The following PHYHD1 variants were observed in gnomAD, a reference collection of about 807,000 sequenced individuals.
PHYHD1 encodes phytanoyl-CoA dioxygenase domain containing 1, also known as phytanoyl-CoA dioxygenase domain-containing protein 1.
A neutral mutation model predicts 43.6 loss-of-function variants in PHYHD1; 42 were observed. The ratio of observed to expected loss-of-function variants is 0.96; its 90% CI spans 0.75 to 1.25. The LOEUF is 1.25. Ranked by LOEUF, PHYHD1 falls within the 50% of genes most tolerant of loss-of-function variation. The probability of loss-of-function intolerance (pLI) is 0.00; values close to 1 mark genes in which losing one functional copy is unlikely to be tolerated. For missense variants in PHYHD1, 342 were observed against 370.8 expected, an observed-to-expected ratio of 0.92 and a Z score of 0.64; for synonymous variants, 139 against 143.6, an observed-to-expected ratio of 0.97 and a Z score of 0.23.
At chr9:128,924,780 C>CA (rs1174744771) in intron 3 of PHYHD1, among the ~76,000 whole-genome samples, 1 of 149,742 alleles carries the variant, frequency 6.7e-6, no homozygotes, top group Non-Finnish European at 1.5e-5. Flanking sequence ...ACTAAAAATA[C>CA]AAAAATTAGC....
intron 8 of PHYHD1, 100 bp downstream of exon 8, chr9:128,936,745 T>G (rs2131114374): frequency 2.3e-6 from 3 of 1,298,198 alleles, no homozygotes; most frequent in Non-Finnish European, 3.2e-6. Flanking sequence ...CTGGAATTAT[T>G]ATGTTGGTGG....
chr9:128,923,798 A>G (rs2131093764), intron 3 of PHYHD1, among the ~76,000 whole-genome samples: 1 of 152,280 alleles, frequency 6.6e-6, no homozygotes, highest in South Asian at 2.1e-4. Context: ...CAGCTTGGGC[A>G]ATATAGCAAG....
chr9:128,934,116 G>A, intron 6 of PHYHD1, 58 bp downstream of exon 6: 1 of 1,548,162 alleles, frequency 6.5e-7, no homozygotes. Context: ...GGGAGTGGTG[G>A]CTTACACTTG....
At chr9:128,924,842 GGA>G (rs1469123295) in intron 3 of PHYHD1, among the ~76,000 whole-genome samples, 1 of 152,166 alleles carries the variant, frequency 6.6e-6, no homozygotes, top group Non-Finnish European at 1.5e-5. Flanking sequence ...GGCTGAGGCA[GGA>G]GAATCACTTA....
chr9:128,939,266 C>T (rs1173494264), intron 9 of PHYHD1, among the ~76,000 whole-genome samples: 2 of 126,060 alleles, frequency 1.6e-5, no homozygotes, highest in African/African-American at 5.6e-5. Flanking sequence ...GCCCCAGCAT[C>T]GTGTGGGGAG....
intron 11 of PHYHD1, among the ~76,000 whole-genome samples, chr9:128,941,041 G>A (rs1207928419): frequency 6.6e-6 from 1 of 152,206 alleles, no homozygotes; most frequent in African/African-American, 2.4e-5. Flanking sequence ...TCTGCCTAGT[G>A]CATAGCCACT....
At chr9:128,933,449 C>CT (rs1376601280) in intron 4 of PHYHD1, among the ~76,000 whole-genome samples, 1 of 151,958 alleles carries the variant, frequency 6.6e-6, no homozygotes, top group African/African-American at 2.4e-5. Flanking sequence ...ATTATTATTC[C>CT]TTTTTTTACA....
At chr9:128,931,566 C>T (rs1841277342) in intron 4 of PHYHD1, among the ~76,000 whole-genome samples, 1 of 150,716 alleles carries the variant, frequency 6.6e-6, no homozygotes, top group South Asian at 2.1e-4. Flanking sequence ...GCTCTGTCAC[C>T]CAAGCTGGAG....
chr9:128,936,556 G>C, intron 7 of PHYHD1, 27 bp from the exon 8 acceptor site: 1 of 1,606,582 alleles, frequency 6.2e-7, no homozygotes, highest in African/African-American at 1.3e-5. Context: ...GTGGCAGGCT[G>C]GCAGCATGAC....
At chr9:128,937,954 C>A (rs1588256050) in intron 9 of PHYHD1, 176 bp downstream of exon 9, 1 of 1,488,784 alleles carries the variant, frequency 6.7e-7, no homozygotes, top group South Asian at 1.3e-5. Flanking sequence ...GGTAGGGAAA[C>A]CTTGCGTCCT....
rs777807148 is a variant in PHYHD1, at chr9:128,934,006, C to T, written c.269-5C>T. ...CTCTGCCTTTATCTGTTCTTTGTGC[C>T]ACAGGAAATTTCCTGGTCCCTCCGG... is the stretch of plus-strand genomic sequence containing the variant. On this transcript the variant is annotated splice_polypyrimidine_tract_variant and splice_region_variant and intron_variant, in intron 5 of 12. Coordinates refer to ENST00000372592, the MANE Select transcript of PHYHD1 (RefSeq NM_001100876.2). 1 of 1,613,858 alleles carries T rather than the reference C, an allele frequency of 6.2e-7. No homozygotes were observed. Among genetic ancestry groups the T allele is most frequent in the Non-Finnish European group, 8.5e-7 (1 of 1,179,910 alleles).
chr9:128,930,936 G>A (rs1307508801), intron 4 of PHYHD1, among the ~76,000 whole-genome samples: 17 of 146,244 alleles, frequency 1.2e-4, no homozygotes, highest in African/African-American at 2.5e-4. Flanking sequence ...GCGACAGAGC[G>A]AGACTCTGTC....
chr9:128,921,342 AG>A lies in PHYHD1; in HGVS notation c.-484del, dbSNP rs1302548021. The A allele has an allele frequency of 6.6e-6, 1 of 151,770 alleles. No individual in the cohort carries two copies. Among genetic ancestry groups the A allele is most frequent in the Non-Finnish European group, 1.5e-5 (1 of 68,002 alleles). The allele number at this position is 151,770 out of a possible 1,614,324, so 9.4% of individuals were successfully genotyped here. A position where few individuals can be genotyped will look rare whatever the true frequency, so the allele number is the denominator to read the frequency against. ...GAGACCGAGTCTCGCTCTGTCGCCC[AG>A]GCTCTAGTGCAGTGGCCCAATCTCG... On this transcript the variant is annotated 5_prime_UTR_variant, in exon 1 of 13. An upstream open reading frame in the 5' UTR gains an earlier in-frame stop. Coordinates refer to ENST00000372592, the MANE Select transcript of PHYHD1 (RefSeq NM_001100876.2).
chr9:128,922,798 A>G lies in PHYHD1; in HGVS notation c.33+442A>G, dbSNP rs146044798. Among the ~76,000 whole-genome samples the G allele has an allele frequency of 2.1e-3, 313 of 152,314 alleles. 2 individuals carry two copies. Among genetic ancestry groups the G allele is most frequent in the Non-Finnish European group, 3.5e-3 (238 of 68,020 alleles). Reference sequence around the variant, plus strand: ...ATACATTCCTACGCTGAGACTTAATATTTTCGTATACAGCTCTAGAAGCTT... The same window carrying G: ...ATACATTCCTACGCTGAGACTTAATGTTTTCGTATACAGCTCTAGAAGCTT... On this transcript the variant is annotated intron_variant, in intron 3 of 12. Transcript: ENST00000372592.
At chr9:128,941,387 C>T (rs576622482) in intron 11 of PHYHD1, 58 bp from the exon 12 acceptor site, 114 of 1,597,454 alleles carry the variant, frequency 7.1e-5, no homozygotes, top group Admixed American at 1.5e-4. Context: ...TCCCTTCCTG[C>T]TCTGGGGAGG....
intron 4 of PHYHD1, among the ~76,000 whole-genome samples, chr9:128,930,821 C>T (rs1309187914): frequency 6.6e-6 from 1 of 151,240 alleles, no homozygotes; most frequent in African/African-American, 2.4e-5. Context: ...TGGTGGCGGG[C>T]ACCTGTAGTC....
Position 128,940,379 on chromosome 9 carries a change from TCAG to T in PHYHD1, c.469_471del (p.Gln157del). The T allele has an allele frequency of 6.2e-7, 1 of 1,614,144 alleles. No individual in the cohort carries two copies. ...CGTGGGCCTGCTTAGTCTCCCCTCA[TCAG>T]GACGCCTCCTTCCTGTACACGGAGC... On this transcript the variant is annotated inframe_deletion, in exon 10 of 13. Coordinates refer to ENST00000372592, the MANE Select transcript of PHYHD1 (RefSeq NM_001100876.2).
At chr9:128,927,251 C>T (rs990271487) in intron 4 of PHYHD1, 55 bp downstream of exon 4, 76 of 1,601,762 alleles carry the variant, frequency 4.7e-5, no homozygotes, top group Non-Finnish European at 6.4e-5. Flanking sequence ...AGGGCTTGGT[C>T]CCCGGCCAGA....
intron 4 of PHYHD1, among the ~76,000 whole-genome samples, chr9:128,932,987 A>G (rs1438687186): frequency 6.6e-6 from 1 of 150,748 alleles, no homozygotes; most frequent in African/African-American, 2.4e-5. Context: ...AGCTGGGACT[A>G]CAGGTGCCTG....
Sources: gnomAD v4.1 joint callset for allele counts (sites outside exome capture counted in the v4.1 genomes callset) on GRCh38, gnomAD v4.1.1 for gene constraint, MANE v1.5 for transcripts, NCBI Gene and HGNC (gene_info 2026-07-23, HGNC 2026-07-21) for gene names.